Variants in PLPPR1 observed in about 807,000 individuals in gnomAD.
The protein encoded by PLPPR1 is phospholipid phosphatase related 1.
A neutral mutation model predicts 33.1 loss-of-function variants in PLPPR1; 10 were observed. The ratio of observed to expected loss-of-function variants is 0.30; its 90% CI spans 0.19 to 0.51. The LOEUF is 0.51. Among genes scored for constraint, PLPPR1 ranks in the 20% least tolerant of loss-of-function variants. The probability of loss-of-function intolerance (pLI) is 0.97; values close to 1 mark genes in which losing one functional copy is unlikely to be tolerated. For missense variants in PLPPR1, 304 were observed against 408.1 expected (o/e 0.74, Z 2.20); for synonymous variants, 151 against 151.0 (o/e 1.00, Z 0.00).
In PLPPR1 at chr9:101,185,128, A is replaced by G. The variant is rs141032624; in HGVS notation, c.-45-322A>G. 5 of 189,012 alleles carry G rather than the reference A, an allele frequency of 2.6e-5. No individual in the cohort carries two copies. The East Asian group carries it at 5.2e-4, about 19-fold the overall frequency. 11.7% of individuals were successfully genotyped at this position (189,012 alleles called of 1,614,324 possible). On this transcript the variant is annotated intron_variant, in intron 1 of 7. Coordinates refer to ENST00000374874, the MANE Select transcript of PLPPR1 (RefSeq NM_207299.2). Reference sequence around the variant, plus strand: ...AAAAAAGTTTTATACCAAAAATTGTATTTCATGGCATTAGGGCAGTCTACT... The same window carrying G: ...AAAAAAGTTTTATACCAAAAATTGTGTTTCATGGCATTAGGGCAGTCTACT...
intron 1 of PLPPR1, among the ~76,000 whole-genome samples, chr9:101,090,659 A>G (rs966283642): frequency 6.6e-6 from 1 of 152,072 alleles, no homozygotes; most frequent in Non-Finnish European, 1.5e-5. Flanking sequence ...CGGAGTTTGC[A>G]GTGAGCCGAG....
In PLPPR1 at chr9:101,139,643, A is replaced by G. The variant is rs552268644; in HGVS notation, c.-45-45807A>G. On this transcript the variant is annotated intron_variant, in intron 1 of 7. Coordinates refer to ENST00000374874, the MANE Select transcript of PLPPR1 (RefSeq NM_207299.2). ...ATGAATCGACAGTGTGTTACACTCA[A>G]ATTGAGAGTGTTGCCATTATATTGC... Among the ~76,000 whole-genome samples, 9 of 152,270 alleles carry G rather than the reference A, an allele frequency of 5.9e-5. No individual in the cohort carries two copies. The East Asian group carries it at 1.2e-3, about 20-fold the overall frequency.
intron 1 of PLPPR1, among the ~76,000 whole-genome samples, chr9:101,043,712 A>C (rs1830111082): frequency 6.6e-6 from 1 of 151,840 alleles, no homozygotes. Context: ...TCTTTAAGGA[A>C]TCTCCCCCAC....
chr9:101,306,879 G>A (rs1277716696), intron 4 of PLPPR1, among the ~76,000 whole-genome samples: 2 of 152,190 alleles, frequency 1.3e-5, no homozygotes, highest in Admixed American at 6.5e-5. Context: ...TAGCTTCTGA[G>A]GCTTGTAAAA....
chr9:101,057,482 T>C lies in PLPPR1; in HGVS notation c.-46+28380T>C, dbSNP rs149205819. ...GTGAAAAATTTAGTATTTTTAACTG[T>C]TATATATTAATGGGCATTGTGGAAA... is the stretch of plus-strand genomic sequence containing the variant. On this transcript the variant is annotated intron_variant, in intron 1 of 7. Coordinates refer to ENST00000374874, the MANE Select transcript of PLPPR1 (RefSeq NM_207299.2). 1.3e-3 allele frequency among the ~76,000 whole-genome samples: 195 copies of C among 152,298 alleles called. 1 individual carries two copies. The highest frequency in any genetic ancestry group is 4.5e-3 in the African/African-American group (188 of 41,580).
chr9:101,306,155 C>T (rs543919981), intron 4 of PLPPR1, among the ~76,000 whole-genome samples: 28 of 152,276 alleles, frequency 1.8e-4, no homozygotes, highest in African/African-American at 6.7e-4. Flanking sequence ...TTGGCCATTG[C>T]TAATGCAGTT....
intron 3 of PLPPR1, among the ~76,000 whole-genome samples, chr9:101,272,641 A>G (rs557112783): frequency 5.6e-4 from 86 of 152,340 alleles, no homozygotes; most frequent in African/African-American, 2.0e-3. Context: ...GAGGACAAGA[A>G]TAGACAACTA....
intron 1 of PLPPR1, among the ~76,000 whole-genome samples, chr9:101,070,356 G>A (rs1160215770): frequency 6.6e-6 from 1 of 151,920 alleles, no homozygotes. Flanking sequence ...TCCAGCCTTG[G>A]CCATTGGGAA....
chr9:101,246,636 A>G (rs1406442402), intron 2 of PLPPR1, among the ~76,000 whole-genome samples: 3 of 152,004 alleles, frequency 2.0e-5, no homozygotes, highest in Non-Finnish European at 4.4e-5. Flanking sequence ...GAATTATACT[A>G]TCTCTCAACA....
chr9:101,074,045 A>C (rs992488014), intron 1 of PLPPR1, among the ~76,000 whole-genome samples: 3 of 152,170 alleles, frequency 2.0e-5, no homozygotes, highest in African/African-American at 7.2e-5. Flanking sequence ...GCATGAAACA[A>C]AGTATGACTC....
intron 6 of PLPPR1, among the ~76,000 whole-genome samples, chr9:101,316,384 C>T (rs1829049861): frequency 6.6e-6 from 1 of 151,672 alleles, no homozygotes; most frequent in Admixed American, 6.6e-5. Flanking sequence ...TTGCAGTGAG[C>T]CGAGATCGTA....
chr9:101,162,128 T>C (rs1413811724), intron 1 of PLPPR1, among the ~76,000 whole-genome samples: 1 of 151,956 alleles, frequency 6.6e-6, no homozygotes, highest in East Asian at 1.9e-4. Context: ...AAGATAATAT[T>C]ATTTTTAAAG....
intron 6 of PLPPR1, among the ~76,000 whole-genome samples, chr9:101,313,399 C>T (rs1588123180): frequency 6.6e-6 from 1 of 152,322 alleles, no homozygotes; most frequent in African/African-American, 2.4e-5. Context: ...GCAGCCTCTT[C>T]TCCAGCATCC....
In PLPPR1 at chr9:101,315,645, T is replaced by C. The variant is rs536929337; in HGVS notation, c.814-1720T>C. Among the ~76,000 whole-genome samples the C allele has an allele frequency of 2.6e-5, 4 of 152,318 alleles. No individual in the cohort carries two copies. In the East Asian group the frequency reaches 7.7e-4, roughly 29 times the overall value. ...TGTTTGCCTACAAATGGCCTTTACG[T>C]AAGACCCAGATCTGTGGTTGAATTG... is the stretch of plus-strand genomic sequence containing the variant. On this transcript the variant is annotated intron_variant, in intron 6 of 7. Transcript: ENST00000374874.
chr9:101,293,083 G>A (rs947318553), intron 4 of PLPPR1, among the ~76,000 whole-genome samples: 3 of 151,926 alleles, frequency 2.0e-5, no homozygotes, highest in African/African-American at 2.4e-5. Context: ...ACACACATAG[G>A]CTCAAAATAA....
At chr9:101,197,002 A>C (rs1054850360) in intron 2 of PLPPR1, among the ~76,000 whole-genome samples, 2 of 152,358 alleles carry the variant, frequency 1.3e-5, no homozygotes, top group Admixed American at 6.5e-5. Context: ...ACATGAATCT[A>C]GATGACAGTC....
At chr9:101,223,779 C>T (rs1383416111) in intron 2 of PLPPR1, among the ~76,000 whole-genome samples, 5 of 152,032 alleles carry the variant, frequency 3.3e-5, no homozygotes, top group Admixed American at 6.6e-5. Flanking sequence ...GTCAATTAAA[C>T]CTCTTTTCTT....
chr9:101,253,689 A>C (rs541881387), intron 2 of PLPPR1, among the ~76,000 whole-genome samples: 1 of 152,242 alleles, frequency 6.6e-6, no homozygotes, highest in South Asian at 2.1e-4. Flanking sequence ...CTTTTATTCA[A>C]CGTAAAACCT....
chr9:101,181,523 T>C (rs972671616), intron 1 of PLPPR1, among the ~76,000 whole-genome samples: 2 of 151,370 alleles, frequency 1.3e-5, no homozygotes, highest in Non-Finnish European at 3.0e-5. Flanking sequence ...CTCATGTTCA[T>C]TGCAGCATTA....
Sources: allele counts gnomAD v4.1 joint callset (sites outside exome capture counted in the v4.1 genomes callset), GRCh38; gene constraint gnomAD v4.1.1; transcripts MANE v1.5; gene names NCBI Gene and HGNC (gene_info 2026-07-23, HGNC 2026-07-21).